Variants in PPARGC1A observed in about 807,000 individuals in gnomAD.
PPARGC1A encodes the protein peroxisome proliferator-activated receptor gamma coactivator 1-alpha.
A neutral mutation model predicts 88.7 loss-of-function variants in PPARGC1A; 25 were observed. The observed-to-expected ratio is 0.28, with a 90% CI of 0.21 to 0.39. The LOEUF (loss-of-function observed/expected upper bound fraction) is 0.39. PPARGC1A is among the 10% of genes least tolerant of loss of function. PPARGC1A has a pLI of 1.00. For missense variants in PPARGC1A, 880 were observed against 968.7 expected, an observed-to-expected ratio of 0.91 and a Z score of 1.22; for synonymous variants, 363 against 355.6, an observed-to-expected ratio of 1.02 and a Z score of -0.24.
chr4:24,071,496 C>CTT, the PPARGC1A span, among the ~76,000 whole-genome samples: 8 of 151,042 alleles, frequency 5.3e-5, no homozygotes, highest in Non-Finnish European at 7.4e-5. Context: ...AAATTGCATG[C>CTT]TTTTTTTTTC....
Position 23,814,322 on chromosome 4 carries a change from G to T in PPARGC1A, c.1161C>A (p.Cys387Ter). ...SLRLFGDHDY[C>*]QSINSKTEIL... ...TTTCTGTTTTGGAATTAATTGACTGGCAATAGTCATGGTCACCAAACAGCC... is the reference window on the plus strand; with the variant it reads ...TTTCTGTTTTGGAATTAATTGACTGTCAATAGTCATGGTCACCAAACAGCC... Residue 387 changes from cysteine to a stop codon, truncating the protein, a stop_gained, in exon 8 of 13, where the codon TGC becomes TGA. Transcript: ENST00000264867. LOFTEE classifies it high-confidence loss of function. 1 of 1,614,010 alleles carries T rather than the reference G, an allele frequency of 6.2e-7. No homozygotes were observed. Among genetic ancestry groups the T allele is most frequent in the Non-Finnish European group, 8.5e-7 (1 of 1,179,998 alleles).
the PPARGC1A span, among the ~76,000 whole-genome samples, chr4:24,117,046 T>TAAA: frequency 4.6e-3 from 667 of 146,146 alleles, 5 homozygotes; most frequent in East Asian, 0.047. Flanking sequence ...GTGAAGTTGG[T>TAAA]AAAAAAAAAA....
the PPARGC1A span, among the ~76,000 whole-genome samples, chr4:23,998,984 T>C: frequency 6.6e-6 from 1 of 152,242 alleles, no homozygotes; most frequent in Non-Finnish European, 1.5e-5. Context: ...CACATTGAGA[T>C]CAATCTTATG....
At chr4:24,259,135 T>G in the PPARGC1A span, among the ~76,000 whole-genome samples, 2 of 152,008 alleles carry the variant, frequency 1.3e-5, no homozygotes, top group Non-Finnish European at 2.9e-5. Flanking sequence ...AAAGGATGAG[T>G]TTGGGTTCTG....
At chr4:24,468,608 C>G in the PPARGC1A span, among the ~76,000 whole-genome samples, 1 of 152,158 alleles carries the variant, frequency 6.6e-6, no homozygotes, top group Non-Finnish European at 1.5e-5. Context: ...CCTCCCTCCC[C>G]AGCTTCAAGA....
chr4:24,280,726 G>GA, the PPARGC1A span, among the ~76,000 whole-genome samples: 1 of 152,212 alleles, frequency 6.6e-6, no homozygotes, highest in South Asian at 2.1e-4. Context: ...ATGGTGCAAT[G>GA]AAAGTTAATG....
chr4:24,201,354 C>T, the PPARGC1A span, among the ~76,000 whole-genome samples: 1 of 152,238 alleles, frequency 6.6e-6, no homozygotes, highest in Non-Finnish European at 1.5e-5. Context: ...CCCTCACCCC[C>T]ACTAACACAA....
chr4:23,870,423 T>C (rs1206901407), intron 2 of PPARGC1A, among the ~76,000 whole-genome samples: 1 of 152,224 alleles, frequency 6.6e-6, no homozygotes, highest in Non-Finnish European at 1.5e-5. Context: ...CAGACTGTCA[T>C]ATTTTCAGGG....
rs910335383 is a variant in PPARGC1A at position 23,794,118 on chromosome 4, T to A, written c.*1704A>T. The A allele has an allele frequency of 1.3e-5, 2 of 152,598 alleles. No individual in the cohort carries two copies. The highest frequency in any genetic ancestry group is 2.4e-5 in the African/African-American group (1 of 41,444). 9.5% of individuals were successfully genotyped at this position (152,598 alleles called of 1,614,324 possible). Reference sequence around the variant, plus strand: ...ATTAATTATTGTAAAAATCATACTATAATTATTACCTCAGCATTTTGTATC... The same window carrying A: ...ATTAATTATTGTAAAAATCATACTAAAATTATTACCTCAGCATTTTGTATC... On this transcript the variant is annotated 3_prime_UTR_variant, in exon 13 of 13. Coordinates refer to ENST00000264867, the MANE Select transcript of PPARGC1A (RefSeq NM_013261.5).
chr4:23,857,377 C>T (rs1730383309), intron 2 of PPARGC1A, among the ~76,000 whole-genome samples: 1 of 130,018 alleles, frequency 7.7e-6, no homozygotes, highest in African/African-American at 2.8e-5. Context: ...GTGTGTGACA[C>T]ACACACACAC....
chr4:24,282,909 G>T, the PPARGC1A span, among the ~76,000 whole-genome samples: 5 of 152,136 alleles, frequency 3.3e-5, no homozygotes, highest in South Asian at 1.0e-3. Context: ...GAGAATAAGC[G>T]GGCGATTAAC....
chr4:24,381,261 C>T, the PPARGC1A span, among the ~76,000 whole-genome samples: 1,003 of 152,322 alleles, frequency 6.6e-3, 4 homozygotes, highest in Non-Finnish European at 9.6e-3. Flanking sequence ...TTGACCATTG[C>T]TGGAGCAGTT....
chr4:24,223,042 T>C, the PPARGC1A span, among the ~76,000 whole-genome samples: 2 of 152,134 alleles, frequency 1.3e-5, no homozygotes, highest in African/African-American at 4.8e-5. Flanking sequence ...TGCGTAACAG[T>C]GTAAAATGTT....
intron 5 of PPARGC1A, among the ~76,000 whole-genome samples, chr4:23,825,914 C>A (rs1723847848): frequency 6.6e-6 from 1 of 152,074 alleles, no homozygotes; most frequent in African/African-American, 2.4e-5. Flanking sequence ...TATGAAGAAA[C>A]TTTACCAAGT....
the PPARGC1A span, among the ~76,000 whole-genome samples, chr4:24,233,534 T>C: frequency 2.0e-5 from 3 of 151,964 alleles, no homozygotes; most frequent in East Asian, 5.8e-4. Flanking sequence ...TGGGCTCTAA[T>C]AGCTGATGAT....
the PPARGC1A span, among the ~76,000 whole-genome samples, chr4:24,471,821 T>G: frequency 6.6e-6 from 1 of 152,148 alleles, no homozygotes; most frequent in African/African-American, 2.4e-5. This position sits in a 1 kb window ranked among gnomAD's most constrained non-coding sequence, Gnocchi z 5.4. Context: ...GGCTCCACTC[T>G]GCACCCCACC....
At chr4:23,825,877 TAACAAGTTTTTCAA>T (rs1723840718) in intron 5 of PPARGC1A, among the ~76,000 whole-genome samples, 1 of 152,134 alleles carries the variant, frequency 6.6e-6, no homozygotes, top group South Asian at 2.1e-4. Context: ...ATGTCTAATA[TAACAAGTTTTTCAA>T]AAAGAATCCA....
chr4:24,326,336 T>C, the PPARGC1A span, among the ~76,000 whole-genome samples: 77 of 152,172 alleles, frequency 5.1e-4, no homozygotes, highest in Middle Eastern at 3.4e-3. Flanking sequence ...GCCTTACAAG[T>C]TAGTTCAGGA....
chr4:24,215,465 A>G, the PPARGC1A span, among the ~76,000 whole-genome samples: 2 of 152,232 alleles, frequency 1.3e-5, no homozygotes, highest in African/African-American at 4.8e-5. Flanking sequence ...TTGGAATCAG[A>G]CAATCCTGGT....
Sources: allele counts gnomAD v4.1 joint callset (sites outside exome capture counted in the v4.1 genomes callset), GRCh38; gene constraint gnomAD v4.1.1; non-coding constraint Gnocchi (gnomAD v3.1); transcripts MANE v1.5; gene names NCBI Gene and HGNC (gene_info 2026-07-23, HGNC 2026-07-21).